NXN: variants seen among roughly 807,000 people sequenced by gnomAD.
NXN encodes nucleoredoxin 1.
NXN carries 16 observed loss-of-function variants against 48.6 expected under a neutral mutation model. The observed-to-expected ratio is 0.33, with a 90% CI of 0.22 to 0.50. NXN has a LOEUF of 0.50. Ranked by LOEUF, NXN falls within the 20% of genes least tolerant of loss-of-function variation. NXN has a pLI of 0.98. For missense variants in NXN, 492 were observed against 605.5 expected, an observed-to-expected ratio of 0.81 and a Z score of 1.97; for synonymous variants, 281 against 269.6, an observed-to-expected ratio of 1.04 and a Z score of -0.41.
intron 1 of NXN, among the ~76,000 whole-genome samples, chr17:893,094 C>T (rs1429665766): frequency 6.6e-6 from 1 of 152,252 alleles, no homozygotes; most frequent in African/African-American, 2.4e-5. Context: ...TTGCCTATGT[C>T]CCTAAAGGGC....
At chr17:854,715 T>C (rs978599877) in intron 1 of NXN, among the ~76,000 whole-genome samples, 2 of 150,894 alleles carry the variant, frequency 1.3e-5, no homozygotes, top group Admixed American at 6.6e-5. Flanking sequence ...TCCCAGCACT[T>C]TGGGAGGCCG....
intron 1 of NXN, among the ~76,000 whole-genome samples, chr17:871,903 G>C (rs899821022): frequency 1.3e-5 from 2 of 151,924 alleles, no homozygotes; most frequent in Non-Finnish European, 2.9e-5. Flanking sequence ...TATTTCCTGG[G>C]AAACTCGGGG....
intron 1 of NXN, among the ~76,000 whole-genome samples, chr17:902,221 C>T (rs1200354648): frequency 2.6e-5 from 4 of 152,328 alleles, no homozygotes; most frequent in East Asian, 3.9e-4. Context: ...ACTCGCACGA[C>T]GGACCCACGT....
chr17:805,054 C>T lies in NXN; in HGVS notation c.1000+14G>A, dbSNP rs538837668. 103 of 1,560,868 alleles carry T rather than the reference C, an allele frequency of 6.6e-5. No individual in the cohort carries two copies. Among genetic ancestry groups the T allele is most frequent in the African/African-American group, 9.5e-5 (7 of 73,792 alleles). On this transcript the variant is annotated intron_variant, in intron 6 of 7. Coordinates refer to ENST00000336868, the MANE Select transcript of NXN (RefSeq NM_022463.5). ...CCAGCCACCCCTCGCCCCCTGCCCC[C>T]GTGAGCTTCATACCTACAAAAAGGA...
Position 955,621 on chromosome 17 carries a change from A to G in NXN, c.360+23698T>C, listed in dbSNP as rs189831756. On this transcript the variant is annotated intron_variant, in intron 1 of 7. Transcript: ENST00000336868. ...TAATCCCAGCACCTCGGGAGGCCGG[A>G]CGCGGTGGCTCACGCCTGTAATCCC... Among the ~76,000 whole-genome samples, 482 of 142,414 alleles carry G rather than the reference A, an allele frequency of 3.4e-3. 4 individuals carry two copies. The highest frequency in any genetic ancestry group is 0.012 in the African/African-American group (450 of 37,828). 93.4% of individuals were successfully genotyped at this position (142,414 alleles called of 152,430 possible).
intron 1 of NXN, among the ~76,000 whole-genome samples, chr17:841,526 C>T (rs878967099): frequency 0.012 from 550 of 44,526 alleles, 20 homozygotes; most frequent in Middle Eastern, 0.024. Flanking sequence ...CAGGTCCCCC[C>T]GACCATGGAG....
At chr17:846,012 G>A (rs145708489) in intron 1 of NXN, among the ~76,000 whole-genome samples, 4,127 of 152,084 alleles carry the variant, frequency 0.027, 85 homozygotes, top group Non-Finnish European at 0.043. Context: ...AGCCTGGGAG[G>A]CGGAGGTTGC....
intron 5 of NXN, among the ~76,000 whole-genome samples, 196 bp from the exon 6 acceptor site, chr17:805,443 A>G (rs1176852734): frequency 6.6e-6 from 1 of 152,134 alleles, no homozygotes; most frequent in Admixed American, 6.5e-5. Flanking sequence ...AGGGGGAGCC[A>G]TGGAACCCCC....
intron 1 of NXN, among the ~76,000 whole-genome samples, chr17:888,806 T>C (rs1240720676): frequency 6.6e-6 from 1 of 151,404 alleles, no homozygotes; most frequent in Admixed American, 6.6e-5. Flanking sequence ...AATACAAAAA[T>C]TAGCTGGACA....
At chr17:819,583 C>T (rs1296114041) in intron 4 of NXN, 38 bp from the exon 5 acceptor site, 1 of 1,374,292 alleles carries the variant, frequency 7.3e-7, no homozygotes, top group Non-Finnish European at 1.0e-6. Flanking sequence ...GGCTCAGTAT[C>T]CCCACTGCAC....
At chr17:944,931 C>T (rs192643396) in intron 1 of NXN, among the ~76,000 whole-genome samples, 3 of 152,056 alleles carry the variant, frequency 2.0e-5, no homozygotes, top group Non-Finnish European at 2.9e-5. Context: ...TGAAACACAC[C>T]GAGAAGAGAA....
At chr17:899,368 C>T (rs941918340) in intron 1 of NXN, among the ~76,000 whole-genome samples, 3 of 152,194 alleles carry the variant, frequency 2.0e-5, no homozygotes, top group Non-Finnish European at 4.4e-5. Flanking sequence ...TATTGACGTG[C>T]TGGGTACAAA....
intron 1 of NXN, among the ~76,000 whole-genome samples, chr17:974,962 G>C (rs536711474): frequency 1.3e-5 from 2 of 151,974 alleles, no homozygotes; most frequent in African/African-American, 4.8e-5. Flanking sequence ...GAGTAGCTGG[G>C]ACCACAGGTA....
chr17:872,217 A>AGAGAGG (rs1369142565), intron 1 of NXN, among the ~76,000 whole-genome samples: 9 of 145,424 alleles, frequency 6.2e-5, no homozygotes, highest in African/African-American at 2.3e-4. Context: ...AGAGAGGGGG[A>AGAGAGG]GAGAGGGAGA....
intron 1 of NXN, among the ~76,000 whole-genome samples, chr17:927,574 T>C (rs2068813379): frequency 9.3e-6 from 1 of 107,984 alleles, no homozygotes; most frequent in Non-Finnish European, 1.8e-5. Context: ...AAGTAAAACC[T>C]TGTCTCAAAA....
chr17:966,940 TG>T (rs2069312386), intron 1 of NXN, among the ~76,000 whole-genome samples: 1 of 152,112 alleles, frequency 6.6e-6, no homozygotes, highest in Non-Finnish European at 1.5e-5. Flanking sequence ...AAGAGTTGTC[TG>T]CAGTTCTTCA....
rs1410046006 is a variant in NXN, at chr17:979,370, G to A, written c.309C>T (p.Phe103=). 1.3e-6 allele frequency: 2 copies of A among 1,532,748 alleles called. No individual in the cohort carries two copies. Among genetic ancestry groups the A allele is most frequent in the Non-Finnish European group, 1.8e-6 (2 of 1,142,646 alleles). The allele number at this position is 1,532,748 out of a possible 1,614,324, so 94.9% of individuals were successfully genotyped here. Residue 103 remains phenylalanine, a synonymous_variant, in exon 1 of 8, where the codon TTC becomes TTT. Coordinates refer to ENST00000336868, the MANE Select transcript of NXN (RefSeq NM_022463.5). ...GCGCCAGCCACGGCATGTCCCGCAC[G>A]AAGTCCTGCCACTGCCGCTGGTCCT... The part of the protein sequence containing the change: ...SDQDQRQWQD[F]VRDMPWLALP...
At chr17:937,073 C>T (rs11651402) in intron 1 of NXN, among the ~76,000 whole-genome samples, 59,069 of 151,612 alleles carry the variant, frequency 0.39, 12,637 homozygotes, top group East Asian at 0.72. Context: ...GCCTTTGCCT[C>T]CCGGGCTCAA....
intron 1 of NXN, among the ~76,000 whole-genome samples, chr17:916,276 T>C (rs1167542521): frequency 1.3e-5 from 2 of 152,252 alleles, no homozygotes; most frequent in South Asian, 4.1e-4. Flanking sequence ...TGCTGTGAGG[T>C]TCCCGTGGTG....
Sources: gnomAD v4.1 joint callset for allele counts (sites outside exome capture counted in the v4.1 genomes callset) on GRCh38, gnomAD v4.1.1 for gene constraint, MANE v1.5 for transcripts, NCBI Gene and HGNC (gene_info 2026-07-23, HGNC 2026-07-21) for gene names.